Variants in SEMA3A observed in about 807,000 individuals in gnomAD.
SEMA3A encodes the protein semaphorin 3A.
SEMA3A carries 29 observed loss-of-function variants against 97.9 expected under a neutral mutation model. That is an observed-to-expected ratio of 0.30 (90% CI 0.22 to 0.40). The LOEUF is 0.40. Among genes scored for constraint, SEMA3A ranks in the 10% least tolerant of loss-of-function variants. The pLI, the probability that SEMA3A is intolerant of heterozygous loss-of-function variation, is 1.00. For synonymous variants in SEMA3A, 321 were observed against 323.7 expected (o/e 0.99, Z 0.09); for missense variants, 763 against 951.3 (o/e 0.80, Z 2.60).
At chr7:84,403,647 T>C (rs780860163) in intron 1 of SEMA3A, among the ~76,000 whole-genome samples, 1 of 152,062 alleles carries the variant, frequency 6.6e-6, no homozygotes, top group Non-Finnish European at 1.5e-5. Context: ...GCACCCCCAG[T>C]AGGGGCGGAC....
chr7:84,347,645 C>T (rs1476155085), intron 2 of SEMA3A, among the ~76,000 whole-genome samples: 1 of 152,036 alleles, frequency 6.6e-6, no homozygotes, highest in Non-Finnish European at 1.5e-5. Flanking sequence ...CTCTTGACCT[C>T]GTGATCCGCC....
At chr7:84,458,526 T>C (rs1347227182) in intron 1 of SEMA3A, among the ~76,000 whole-genome samples, 3 of 152,086 alleles carry the variant, frequency 2.0e-5, no homozygotes, top group African/African-American at 4.8e-5. Flanking sequence ...AGTGGAATTA[T>C]TTATTTTTCA....
intron 3 of SEMA3A, among the ~76,000 whole-genome samples, chr7:84,230,178 A>G (rs1228708969): frequency 1.3e-5 from 2 of 151,888 alleles, no homozygotes; most frequent in Non-Finnish European, 2.9e-5. Context: ...ACAGATCTAT[A>G]ACCCCCATAA....
intron 1 of SEMA3A, among the ~76,000 whole-genome samples, chr7:84,418,222 T>C (rs1194938047): frequency 6.6e-6 from 1 of 152,114 alleles, no homozygotes; most frequent in Non-Finnish European, 1.5e-5. Flanking sequence ...GAAAGAGGTT[T>C]AATTGACACA....
At chr7:84,204,262 T>A (rs780536242) in intron 3 of SEMA3A, among the ~76,000 whole-genome samples, 3 of 152,156 alleles carry the variant, frequency 2.0e-5, no homozygotes, top group Non-Finnish European at 4.4e-5. Flanking sequence ...AGACAGAACA[T>A]CTGGATTTAA....
intron 6 of SEMA3A, among the ~76,000 whole-genome samples, chr7:84,024,723 C>G (rs1044135955): frequency 1.3e-5 from 2 of 152,156 alleles, no homozygotes; most frequent in African/African-American, 2.4e-5. Flanking sequence ...AAATTGCTAG[C>G]TGTTATTATT....
At chr7:84,107,458 T>A (rs547414793) in intron 4 of SEMA3A, among the ~76,000 whole-genome samples, 1 of 152,320 alleles carries the variant, frequency 6.6e-6, no homozygotes, top group East Asian at 1.9e-4. Flanking sequence ...CTAAATAGTC[T>A]GGAACAGTAT....
intron 1 of SEMA3A, among the ~76,000 whole-genome samples, chr7:84,158,893 A>C (rs1391365964): frequency 8.7e-6 from 1 of 114,604 alleles, no homozygotes; most frequent in African/African-American, 3.2e-5. Flanking sequence ...TCTTTAAAAA[A>C]TAATGCATAT....
At chr7:84,153,244 A>T (rs1289934620) in intron 1 of SEMA3A, among the ~76,000 whole-genome samples, 1 of 152,174 alleles carries the variant, frequency 6.6e-6, no homozygotes, top group Admixed American at 6.5e-5. Context: ...TTGTTGCAAA[A>T]GTACCAATTA....
At chr7:84,121,004 C>A (rs1300630420) in intron 3 of SEMA3A, among the ~76,000 whole-genome samples, 2 of 152,062 alleles carry the variant, frequency 1.3e-5, no homozygotes, top group African/African-American at 2.4e-5. Flanking sequence ...GATGAAAAAA[C>A]CTAAATATTT....
At chr7:84,292,002 A>G (rs1045103650) in intron 3 of SEMA3A, among the ~76,000 whole-genome samples, 1 of 152,142 alleles carries the variant, frequency 6.6e-6, no homozygotes, top group Non-Finnish European at 1.5e-5. Context: ...TTACCGAATT[A>G]GGCAGACTTT....
At chr7:83,994,978 C>T (rs1196280929) in intron 12 of SEMA3A, among the ~76,000 whole-genome samples, 2 of 152,044 alleles carry the variant, frequency 1.3e-5, no homozygotes, top group African/African-American at 4.8e-5. Context: ...ACTCCATGGG[C>T]ACAGGACCCT....
At chr7:84,274,738 T>C (rs1255790729) in intron 3 of SEMA3A, among the ~76,000 whole-genome samples, 2 of 152,026 alleles carry the variant, frequency 1.3e-5, no homozygotes, top group Non-Finnish European at 2.9e-5. Flanking sequence ...AAAGATTTAT[T>C]TTCCAAACAG....
chr7:84,184,529 A>G (rs1368842428), intron 1 of SEMA3A, among the ~76,000 whole-genome samples: 5 of 152,244 alleles, frequency 3.3e-5, no homozygotes, highest in Non-Finnish European at 5.9e-5. Context: ...TTGAAAGGAT[A>G]GCATTAAATG....
chr7:84,056,331 G>T (rs1045795348), intron 5 of SEMA3A, among the ~76,000 whole-genome samples: 4 of 152,142 alleles, frequency 2.6e-5, no homozygotes, highest in Admixed American at 2.6e-4. Context: ...AACTCAAAAT[G>T]AAGTAAAAAT....
chr7:84,068,047 G>C (rs1410434753), intron 4 of SEMA3A, among the ~76,000 whole-genome samples: 1 of 122,422 alleles, frequency 8.2e-6, no homozygotes, highest in East Asian at 2.2e-4. Context: ...TGATAGACTG[G>C]ATTAAGAAAA....
intron 1 of SEMA3A, among the ~76,000 whole-genome samples, chr7:84,453,472 G>C (rs919216164): frequency 6.6e-6 from 1 of 151,952 alleles, no homozygotes; most frequent in Non-Finnish European, 1.5e-5. Flanking sequence ...TCCTGACCTC[G>C]TGATCCGCCC....
intron 1 of SEMA3A, among the ~76,000 whole-genome samples, chr7:84,486,782 A>G (rs987807774): frequency 1.3e-5 from 2 of 152,296 alleles, no homozygotes; most frequent in Non-Finnish European, 2.9e-5. Context: ...TCGCATAGTT[A>G]ATAGCATTTA....
intron 3 of SEMA3A, among the ~76,000 whole-genome samples, chr7:84,240,124 A>C (rs1799323784): frequency 6.6e-6 from 1 of 152,168 alleles, no homozygotes; most frequent in South Asian, 2.1e-4. Context: ...ACTAACAAAC[A>C]CCAAAACTAG....
Sources: gnomAD v4.1 joint callset for allele counts (sites outside exome capture counted in the v4.1 genomes callset) on GRCh38, gnomAD v4.1.1 for gene constraint, MANE v1.5 for transcripts, NCBI Gene and HGNC (gene_info 2026-07-23, HGNC 2026-07-21) for gene names.